IL27: variants seen among roughly 807,000 people sequenced by gnomAD.
IL27 encodes the protein interleukin-27 subunit alpha.
IL27 carries 11 observed loss-of-function variants against 27.0 expected under a neutral mutation model. That is an observed-to-expected ratio of 0.41 (90% CI 0.26 to 0.67). The LOEUF is 0.67. IL27 is among the 30% of genes least tolerant of loss of function. The probability of loss-of-function intolerance (pLI) is 0.34; values close to 1 mark genes in which losing one functional copy is unlikely to be tolerated. For missense variants in IL27, 299 were observed against 310.4 expected, an observed-to-expected ratio of 0.96 and a Z score of 0.28; for synonymous variants, 134 against 140.6, an observed-to-expected ratio of 0.95 and a Z score of 0.33.
In IL27 at chr16:28,499,596, G is replaced by A; in HGVS notation, c.*55C>T. Reference sequence around the variant, plus strand: ...GATGCGAAGGCTGCCCTGATGCCAAGACTCCAGTCCTAAAGTTCTAAAGGG... The same window carrying A: ...GATGCGAAGGCTGCCCTGATGCCAAAACTCCAGTCCTAAAGTTCTAAAGGG... On this transcript the variant is annotated 3_prime_UTR_variant, in exon 5 of 5. Coordinates refer to ENST00000356897, the MANE Select transcript of IL27 (RefSeq NM_145659.3). 1.4e-6 allele frequency: 2 copies of A among 1,440,882 alleles called. No individual in the cohort carries two copies. Among genetic ancestry groups the A allele is most frequent in the Non-Finnish European group, 9.5e-7 (1 of 1,050,108 alleles). 89.3% of individuals were successfully genotyped at this position (1,440,882 alleles called of 1,614,324 possible).
At chr16:28,501,944 G>C in intron 4 of IL27, 32 bp downstream of exon 4, 1 of 1,589,602 alleles carries the variant, frequency 6.3e-7, no homozygotes, top group Non-Finnish European at 8.5e-7. Flanking sequence ...TTCCCACGTG[G>C]TCTGGGGTGG....
intron 4 of IL27, 143 bp downstream of exon 4, chr16:28,501,833 A>C (rs1341964432): frequency 1.0e-6 from 1 of 992,088 alleles, no homozygotes; most frequent in Non-Finnish European, 1.5e-6. Flanking sequence ...TCACTCTCAC[A>C]CTCATGAACC....
Position 28,503,837 on chromosome 16 carries a change from GT to G in IL27, c.204+40del, listed in dbSNP as rs1465309470. 2.5e-6 allele frequency: 4 copies of G among 1,611,704 alleles called. No individual in the cohort carries two copies. The East Asian group carries it at 8.9e-5, about 36-fold the overall frequency. On this transcript the variant is annotated intron_variant, in intron 2 of 4. Coordinates refer to ENST00000356897, the MANE Select transcript of IL27 (RefSeq NM_145659.3). ...TAGTGGGGGCCAGAAGGGATTGGGG[GT>G]CTGCCCATCTCCAGCGCCAGCTGCA...
At chr16:28,504,759 T>A (rs2046452603) in intron 1 of IL27, among the ~76,000 whole-genome samples, 1 of 152,014 alleles carries the variant, frequency 6.6e-6, no homozygotes, top group African/African-American at 2.4e-5. Flanking sequence ...TGTTTCTATT[T>A]TTTTGTAGAG....
chr16:28,501,527 TACAC>T (rs1246557213), intron 4 of IL27, among the ~76,000 whole-genome samples: 13 of 96,252 alleles, frequency 1.4e-4, no homozygotes, highest in Non-Finnish European at 1.7e-4. Context: ...CGGACGCACA[TACAC>T]ACAGTCATGC....
chr16:28,506,401 C>A (rs2046461209), intron 1 of IL27, among the ~76,000 whole-genome samples: 1 of 152,192 alleles, frequency 6.6e-6, no homozygotes, highest in South Asian at 2.1e-4. Flanking sequence ...TCCACTTGTG[C>A]CAGCACCTCG....
chr16:28,503,200 C>T (rs536456963), intron 3 of IL27, among the ~76,000 whole-genome samples: 11 of 152,252 alleles, frequency 7.2e-5, no homozygotes, highest in South Asian at 2.1e-4. Context: ...TCAGGTGATC[C>T]GTGCTCCTCA....
intron 1 of IL27, among the ~76,000 whole-genome samples, 194 bp from the exon 2 acceptor site, chr16:28,504,244 G>A (rs150732065): frequency 2.2e-4 from 33 of 152,292 alleles, no homozygotes; most frequent in Middle Eastern, 3.4e-3. Context: ...TTAGGAGACC[G>A]AGGCGGGCGG....
chr16:28,506,659 C>A, intron 1 of IL27, 122 bp downstream of exon 1: 1 of 985,604 alleles, frequency 1.0e-6, no homozygotes, highest in Non-Finnish European at 1.5e-6. Flanking sequence ...CAGCAGCCAG[C>A]CGAATCCTCA....
At chr16:28,502,169 A>G in intron 3 of IL27, 35 bp from the exon 4 acceptor site, 1 of 1,541,094 alleles carries the variant, frequency 6.5e-7, no homozygotes, top group Non-Finnish European at 8.8e-7. Context: ...AAAGGTCCAC[A>G]GGCCAAGGAT....
At position 28,499,796 on chromosome 16, in the gene IL27, G is replaced by T; in HGVS notation, c.587C>A (p.Ser196Tyr). Residue 196 changes from serine (S) to tyrosine (Y), a missense_variant, in exon 5 of 5, where the codon TCC becomes TAC. Ser to Tyr is a moderately radical substitution (Grantham distance 144). Transcript: ENST00000356897. ...GTAGGTGGAGAGGAGCTGGGGCCAG[G>T]ACACCTGGGCCGGGCCCTGTAAGGC... ...GSALQGPAQV[S>Y]WPQLLSTYRL... The T allele has an allele frequency of 6.2e-7, 1 of 1,609,338 alleles. No homozygotes were observed. The highest frequency in any genetic ancestry group is 1.3e-5 in the African/African-American group (1 of 74,860).
At position 28,499,769 on chromosome 16, in the gene IL27, C is replaced by A; in HGVS notation, c.614G>T (p.Arg205Leu). The A allele has an allele frequency of 1.9e-6, 3 of 1,612,570 alleles. No homozygotes were observed. The highest frequency in any genetic ancestry group is 2.5e-6 in the Non-Finnish European group (3 of 1,179,426). The stretch of plus-strand genomic sequence containing the variant: ...GACGAGCTCCAAGGAGTGCAGCAGG[C>A]GGTAGGTGGAGAGGAGCTGGGGCCA... Reference protein sequence around the residue: ...VSWPQLLSTYRLLHSLELVLS... With the variant: ...VSWPQLLSTYLLLHSLELVLS... Residue 205 changes from arginine to leucine, a missense_variant, in exon 5 of 5, where the codon CGC (arginine) becomes CTC (leucine). Arg to Leu is a moderately radical substitution (Grantham distance 102, BLOSUM62 -2). Transcript: ENST00000356897.
intron 1 of IL27, 120 bp from the exon 2 acceptor site, chr16:28,504,170 C>A: frequency 9.5e-7 from 1 of 1,048,256 alleles, no homozygotes; most frequent in East Asian, 2.7e-5. Context: ...AGCATCATTC[C>A]TCTGCCTCCT....
intron 1 of IL27, 92 bp downstream of exon 1, chr16:28,506,689 T>C: frequency 1.0e-5 from 13 of 1,292,360 alleles, no homozygotes; most frequent in Non-Finnish European, 1.4e-5. Context: ...AAGTTGCTGC[T>C]CTCAGCTCTC....
intron 1 of IL27, 108 bp from the exon 2 acceptor site, chr16:28,504,158 C>G: frequency 6.0e-6 from 7 of 1,159,664 alleles, no homozygotes; most frequent in Non-Finnish European, 8.4e-6. Flanking sequence ...GGCACTTTGA[C>G]CAGCATCATT....
chr16:28,506,781 G>C lies in IL27; in HGVS notation c.31C>G (p.Arg11Gly). 1 of 1,611,230 alleles carries C rather than the reference G, an allele frequency of 6.2e-7. No homozygotes were observed. Among genetic ancestry groups the C allele is most frequent in the Non-Finnish European group, 8.5e-7 (1 of 1,178,752 alleles). Reference sequence around the variant, plus strand: ...CCCCCACCCCTGGCTTCAAACTCACGCCAGCCAAGGTCGCCTGCCGTCTGG... The same window carrying C: ...CCCCCACCCCTGGCTTCAAACTCACCCCAGCCAAGGTCGCCTGCCGTCTGG... MGQTAGDLGWRLSLLLLPLLL... is the reference protein window; with the variant it reads MGQTAGDLGWGLSLLLLPLLL... The change falls in exon 1 of 5, where the codon CGG becomes GGG. Residue 11 changes from arginine to glycine, a missense_variant and splice_region_variant. By Grantham distance (125) the Arg-to-Gly change is moderately radical (BLOSUM62 -2). Transcript: ENST00000356897.
At chr16:28,502,380 C>A (rs990747070) in intron 3 of IL27, among the ~76,000 whole-genome samples, 3 of 151,974 alleles carry the variant, frequency 2.0e-5, no homozygotes, top group Non-Finnish European at 4.4e-5. Flanking sequence ...TCTAACCCAC[C>A]CCCTCTCAGT....
intron 4 of IL27, among the ~76,000 whole-genome samples, chr16:28,500,332 T>C (rs1428552463): frequency 6.6e-6 from 1 of 151,780 alleles, no homozygotes; most frequent in African/African-American, 2.4e-5. Context: ...TGGAGTGCAG[T>C]GGGGTGATCA....
At chr16:28,506,218 C>A (rs1045817642) in intron 1 of IL27, among the ~76,000 whole-genome samples, 1 of 152,198 alleles carries the variant, frequency 6.6e-6, no homozygotes, top group Non-Finnish European at 1.5e-5. Context: ...CTGTCTCCAT[C>A]CTCCAGCCTT....
Sources: gnomAD v4.1 joint callset for allele counts (sites outside exome capture counted in the v4.1 genomes callset) on GRCh38, gnomAD v4.1.1 for gene constraint, MANE v1.5 for transcripts, NCBI Gene and HGNC (gene_info 2026-07-23, HGNC 2026-07-21) for gene names.